The following IMMP2L variants were observed in gnomAD, a reference collection of about 807,000 sequenced individuals.
IMMP2L encodes the protein inner mitochondrial membrane peptidase subunit 2.
IMMP2L carries 18 observed loss-of-function variants against 19.3 expected under a neutral mutation model. The observed-to-expected ratio is 0.93, with a 90% CI of 0.64 to 1.38. The LOEUF is 1.38. IMMP2L is among the 40% of genes most tolerant of loss of function. The pLI is 0.00. For missense variants in IMMP2L, 233 were observed against 218.2 expected (o/e 1.07, Z -0.43); for synonymous variants, 76 against 73.0 (o/e 1.04, Z -0.21).
chr7:110,827,451 T>A (rs1172814044), intron 5 of IMMP2L, among the ~76,000 whole-genome samples: 1 of 152,198 alleles, frequency 6.6e-6, no homozygotes, highest in East Asian at 1.9e-4. Context: ...AAGCATTAGG[T>A]TGCTTCTATG....
At chr7:111,041,498 C>T (rs1384715646) in intron 3 of IMMP2L, among the ~76,000 whole-genome samples, 4 of 151,654 alleles carry the variant, frequency 2.6e-5, no homozygotes, top group Non-Finnish European at 5.9e-5. Flanking sequence ...TTTAACCACT[C>T]AGGGGCACAT....
At position 110,723,319 on chromosome 7, in the gene IMMP2L, A is replaced by T. The variant is rs187703278; in HGVS notation, c.409-59598T>A. ...TCACTGCCACACCAGCTAACAGAAT[A>T]AACTACCACCAGTTTGATGCAAAAT... On this transcript the variant is annotated intron_variant, in intron 5 of 5. Transcript: ENST00000405709. Among the ~76,000 whole-genome samples, 946 of 152,320 alleles carry T rather than the reference A, an allele frequency of 6.2e-3. 4 individuals are homozygous for T. Among genetic ancestry groups the T allele is most frequent in the Middle Eastern group, 0.014 (4 of 294 alleles).
At chr7:111,403,979 C>T (rs904255674) in intron 3 of IMMP2L, among the ~76,000 whole-genome samples, 1 of 152,064 alleles carries the variant, frequency 6.6e-6, no homozygotes, top group African/African-American at 2.4e-5. Context: ...ACAACCCCCC[C>T]ACAAACACAT....
At chr7:111,275,250 G>C (rs896385611) in intron 3 of IMMP2L, among the ~76,000 whole-genome samples, 2 of 152,126 alleles carry the variant, frequency 1.3e-5, no homozygotes, top group Non-Finnish European at 2.9e-5. Context: ...TGAGATAAGA[G>C]ACTTGGCCCA....
intron 3 of IMMP2L, among the ~76,000 whole-genome samples, chr7:111,207,875 T>C (rs941615215): frequency 9.2e-5 from 14 of 152,176 alleles, no homozygotes; most frequent in African/African-American, 3.4e-4. Context: ...AATTTTACTC[T>C]ACCAGCCTTT....
chr7:110,939,143 A>C (rs539568660), intron 4 of IMMP2L, among the ~76,000 whole-genome samples: 3 of 152,270 alleles, frequency 2.0e-5, no homozygotes, highest in Non-Finnish European at 4.4e-5. Context: ...AGTTACCTGG[A>C]GAGTTTTTAG....
intron 2 of IMMP2L, among the ~76,000 whole-genome samples, chr7:111,518,577 C>T (rs1846069572): frequency 6.6e-6 from 1 of 152,032 alleles, no homozygotes; most frequent in Non-Finnish European, 1.5e-5. Flanking sequence ...GAATTTATCC[C>T]AATTGTCAAA....
At chr7:111,303,168 TAAGTATCCTCA>T (rs1269767297) in intron 3 of IMMP2L, among the ~76,000 whole-genome samples, 3 of 152,274 alleles carry the variant, frequency 2.0e-5, no homozygotes, top group African/African-American at 7.2e-5. Flanking sequence ...TGTTCTGCTC[TAAGTATCCTCA>T]AAGTGCTTTG....
intron 3 of IMMP2L, among the ~76,000 whole-genome samples, chr7:111,319,545 A>G (rs1190051653): frequency 6.6e-6 from 1 of 152,040 alleles, no homozygotes; most frequent in East Asian, 1.9e-4. Flanking sequence ...AACTACCAAA[A>G]TTTTCATCAT....
At chr7:111,491,812 T>C (rs112582742) in intron 2 of IMMP2L, among the ~76,000 whole-genome samples, 1 of 152,120 alleles carries the variant, frequency 6.6e-6, no homozygotes, top group Non-Finnish European at 1.5e-5. Flanking sequence ...TAACTGACAC[T>C]GTAAAGGTGA....
At chr7:111,053,494 G>C (rs1338306070) in intron 3 of IMMP2L, among the ~76,000 whole-genome samples, 3 of 152,126 alleles carry the variant, frequency 2.0e-5, no homozygotes, top group Non-Finnish European at 4.4e-5. Flanking sequence ...TCTTATCAGG[G>C]AGCTGCTGAT....
intron 3 of IMMP2L, among the ~76,000 whole-genome samples, chr7:111,268,460 A>C (rs969599965): frequency 2.7e-5 from 4 of 149,856 alleles, no homozygotes; most frequent in African/African-American, 9.8e-5. Context: ...CTGGGTTTCA[A>C]AAATTTTGTT....
intron 5 of IMMP2L, among the ~76,000 whole-genome samples, chr7:110,808,354 T>C (rs1467552358): frequency 6.6e-6 from 1 of 152,050 alleles, no homozygotes; most frequent in South Asian, 2.1e-4. Flanking sequence ...TCTGCTGTCA[T>C]CCAACATTTC....
At chr7:111,388,991 A>G (rs958398818) in intron 3 of IMMP2L, among the ~76,000 whole-genome samples, 1 of 152,150 alleles carries the variant, frequency 6.6e-6, no homozygotes, top group Non-Finnish European at 1.5e-5. Flanking sequence ...CCTCAGTAGT[A>G]AAGAGCAATC....
In IMMP2L at chr7:111,123,956, T is replaced by C; in HGVS notation, c.240-160391A>G. ...CGATTCATGGAGCCAGATTCACTGT[T>C]TTGCGTGGACCCACCTGAATTCCAA... On this transcript the variant is annotated intron_variant, in intron 3 of 5. Coordinates refer to ENST00000405709, the MANE Select transcript of IMMP2L (RefSeq NM_032549.4). The surrounding 1 kb of genome is among the most constrained non-coding windows in gnomAD (Gnocchi z 6.4). The C allele has an allele frequency of 6.2e-7, 1 of 1,614,000 alleles. No homozygotes were observed. The highest frequency in any genetic ancestry group is 8.5e-7 in the Non-Finnish European group (1 of 1,179,976).
intron 3 of IMMP2L, among the ~76,000 whole-genome samples, chr7:111,000,053 A>C (rs1823497950): frequency 6.6e-6 from 1 of 152,088 alleles, no homozygotes; most frequent in African/African-American, 2.4e-5. Context: ...CTGATTTTGT[A>C]TGGAAGAGCC....
chr7:111,066,506 G>A (rs897130568), intron 3 of IMMP2L, among the ~76,000 whole-genome samples: 3 of 152,170 alleles, frequency 2.0e-5, no homozygotes, highest in African/African-American at 4.8e-5. Flanking sequence ...AGAAGATAAC[G>A]TTTAAAATAG....
intron 3 of IMMP2L, among the ~76,000 whole-genome samples, chr7:110,978,172 A>T (rs916992480): frequency 6.6e-6 from 1 of 152,064 alleles, no homozygotes; most frequent in Non-Finnish European, 1.5e-5. Context: ...GTTGAAAAAT[A>T]ACAATATTAG....
intron 3 of IMMP2L, among the ~76,000 whole-genome samples, chr7:111,252,244 G>A (rs902957551): frequency 6.6e-6 from 1 of 151,976 alleles, no homozygotes; most frequent in Non-Finnish European, 1.5e-5. Flanking sequence ...ATGAAATGTA[G>A]GCATCATCAA....
Sources: allele counts gnomAD v4.1 joint callset (sites outside exome capture counted in the v4.1 genomes callset), GRCh38; gene constraint gnomAD v4.1.1; non-coding constraint Gnocchi (gnomAD v3.1); transcripts MANE v1.5; gene names NCBI Gene and HGNC (gene_info 2026-07-23, HGNC 2026-07-21).